TLK2: variants seen among roughly 807,000 people sequenced by gnomAD.
The protein encoded by TLK2 is tousled like kinase 2, also known as serine/threonine-protein kinase tousled-like 2.
A neutral mutation model predicts 117.3 loss-of-function variants in TLK2; 6 were observed. The observed-to-expected ratio is 0.05, with a 90% CI of 0.03 to 0.10. The LOEUF (loss-of-function observed/expected upper bound fraction) is 0.10. Ranked by LOEUF, TLK2 falls within the 10% of genes least tolerant of loss-of-function variation. TLK2 has a pLI of 1.00. For missense variants in TLK2, 299 were observed against 901.2 expected, an observed-to-expected ratio of 0.33 and a Z score of 8.56; for synonymous variants, 257 against 316.7, an observed-to-expected ratio of 0.81 and a Z score of 2.00.
chr17:62,507,280 A>AG (rs2074777267), intron 2 of TLK2: 1 of 152,152 alleles, frequency 6.6e-6, no homozygotes, highest in Non-Finnish European at 1.5e-5. Context: ...TCTCAAAAAA[A>AG]GAAAAAAAAA....
At chr17:62,542,101 A>G (rs2077577503) in intron 7 of TLK2, among the ~76,000 whole-genome samples, 2 of 152,174 alleles carry the variant, frequency 1.3e-5, no homozygotes, top group Non-Finnish European at 2.9e-5. Context: ...AGGGAAAATC[A>G]TAAGCAAATA....
intron 2 of TLK2, among the ~76,000 whole-genome samples, chr17:62,485,437 A>C (rs143993283): frequency 6.6e-6 from 1 of 152,308 alleles, no homozygotes; most frequent in African/African-American, 2.4e-5. Context: ...CTCCACATCT[A>C]TTACTTATAT....
In TLK2 at chr17:62,536,247, A is replaced by C; in HGVS notation, c.441A>C (p.Pro147=). 6.2e-7 allele frequency: 1 copy of C among 1,613,370 alleles called. No individual in the cohort carries two copies. Among genetic ancestry groups the C allele is most frequent in the Non-Finnish European group, 8.5e-7 (1 of 1,179,820 alleles). The change falls in exon 7 of 22, where the codon CCA becomes CCC. Residue 147 remains proline, a synonymous_variant. Coordinates refer to ENST00000346027, the MANE Select transcript of TLK2 (RefSeq NM_006852.6). Reference sequence around the variant, plus strand: ...CAACGGAGGAGCAGTCTGCTCTGCCAACCCTCATGTCAGTGATGCTAGCAA... The same window carrying C: ...CAACGGAGGAGCAGTCTGCTCTGCCCACCCTCATGTCAGTGATGCTAGCAA... ...KEATEEQSAL[P]TLMSVMLAKP... is the part of the protein sequence containing the mutation.
At position 62,565,080 on chromosome 17, in the gene TLK2, A is replaced by G. The variant is rs754659643; in HGVS notation, c.911A>G (p.His304Arg). The G allele has an allele frequency of 6.2e-7, 1 of 1,614,164 alleles. No homozygotes were observed. Among genetic ancestry groups the G allele is most frequent in the Non-Finnish European group, 8.5e-7 (1 of 1,180,014 alleles). Residue 304 changes from histidine (H) to arginine (R), a missense_variant, in exon 11 of 22, where the codon CAC (histidine) becomes CGC (arginine). This residue lies in a region of TLK2 where 94 missense variants were observed against 282.6 expected (regional missense o/e 0.33). Coordinates refer to ENST00000346027, the MANE Select transcript of TLK2 (RefSeq NM_006852.6). ...LRLGHFTTVRHGASFTEQWTD... is the reference protein window; with the variant it reads ...LRLGHFTTVRRGASFTEQWTD... ...CTGGGCCACTTTACTACTGTCCGAC[A>G]CGGAGCCTCATTTACTGAACAGTGG... is the stretch of plus-strand genomic sequence containing the variant.
Position 62,596,465 on chromosome 17 carries a change from C to T in TLK2, c.1461-120C>T, listed in dbSNP as rs879122595. 7 of 733,452 alleles carry T rather than the reference C, an allele frequency of 9.5e-6. No individual in the cohort carries two copies. In the South Asian group the frequency reaches 1.1e-4, roughly 11 times the overall value. The allele number at this position is 733,452 out of a possible 1,614,324, so 45.4% of individuals were successfully genotyped here. ...AAAGTCAGATGAGGGACCAGATGGA[C>T]CTGAATGGAATTAACATGTGGAGAC... On this transcript the variant is annotated intron_variant, in intron 16 of 21. Transcript: ENST00000346027.
rs1326489141 is a variant in TLK2 at position 62,522,413 on chromosome 17, G to T, written c.223+140G>T. 4.2e-5 allele frequency: 39 copies of T among 938,186 alleles called. No homozygotes were observed. In the East Asian group the frequency reaches 9.6e-4, roughly 23 times the overall value. The allele number at this position is 938,186 out of a possible 1,614,324, so 58.1% of individuals were successfully genotyped here. A position where few individuals can be genotyped will look rare whatever the true frequency, so the allele number is the denominator to read the frequency against. On this transcript the variant is annotated intron_variant, in intron 4 of 21. Coordinates refer to ENST00000346027, the MANE Select transcript of TLK2 (RefSeq NM_006852.6). ...GTGTATCTTAAGGGAATATCAGACT[G>T]TTTATTACAGACTTGCCATTTGGTA...
intron 6 of TLK2, among the ~76,000 whole-genome samples, chr17:62,535,543 G>C (rs1469285996): frequency 6.6e-6 from 1 of 152,066 alleles, no homozygotes; most frequent in Non-Finnish European, 1.5e-5. Context: ...GAGGCGGGCA[G>C]ATCACCTGAG....
intron 2 of TLK2, among the ~76,000 whole-genome samples, chr17:62,511,733 A>G (rs1404752209): frequency 1.3e-5 from 2 of 152,204 alleles, no homozygotes; most frequent in African/African-American, 4.8e-5. Flanking sequence ...AAGATTTTGC[A>G]TATATAAATA....
chr17:62,536,043 T>G (rs2077091317), intron 6 of TLK2, 127 bp from the exon 7 acceptor site: 1 of 1,122,564 alleles, frequency 8.9e-7, no homozygotes, highest in African/African-American at 1.6e-5. Flanking sequence ...CATAATTATT[T>G]TTAGAGAGGC....
At chr17:62,606,386 C>G in intron 20 of TLK2, 145 bp downstream of exon 20, 1 of 461,780 alleles carries the variant, frequency 2.2e-6, no homozygotes, top group Non-Finnish European at 3.8e-6. Context: ...AAAGAAAATA[C>G]AGACTTAATA....
chr17:62,563,271 G>A (rs1181670462), intron 10 of TLK2, among the ~76,000 whole-genome samples: 1 of 152,054 alleles, frequency 6.6e-6, no homozygotes, highest in East Asian at 1.9e-4. Context: ...GATGAGCAGT[G>A]CACATATTAA....
intron 16 of TLK2, among the ~76,000 whole-genome samples, chr17:62,591,957 T>C (rs575409950): frequency 1.4e-5 from 2 of 145,630 alleles, no homozygotes; most frequent in Non-Finnish European, 3.0e-5. Flanking sequence ...TTCTTTCTTC[T>C]TTTTTTTTTT....
chr17:62,558,101 C>T (rs2078994157), intron 9 of TLK2, among the ~76,000 whole-genome samples: 3 of 151,688 alleles, frequency 2.0e-5, no homozygotes, highest in Non-Finnish European at 1.5e-5. Context: ...TTGAATTTTG[C>T]CATTTTAATA....
intron 2 of TLK2, among the ~76,000 whole-genome samples, chr17:62,501,571 A>G (rs2074198840): frequency 6.6e-6 from 1 of 152,002 alleles, no homozygotes; most frequent in South Asian, 2.1e-4. Flanking sequence ...AAAAATACTA[A>G]AATACAAAAA....
chr17:62,486,070 T>G (rs2072336405), intron 2 of TLK2, among the ~76,000 whole-genome samples: 1 of 152,064 alleles, frequency 6.6e-6, no homozygotes, highest in Non-Finnish European at 1.5e-5. Context: ...TCTGCCCACC[T>G]TGGCCTCCCA....
intron 12 of TLK2, chr17:62,574,285 G>C (rs2080568591): frequency 5.9e-6 from 9 of 1,530,932 alleles, no homozygotes; most frequent in Non-Finnish European, 7.9e-6. Flanking sequence ...TGATGTTTTG[G>C]GAAGTCTCTT....
intron 11 of TLK2, 95 bp downstream of exon 11, chr17:62,565,232 G>T: frequency 7.0e-7 from 1 of 1,421,674 alleles, no homozygotes. Flanking sequence ...CCTACTATTG[G>T]TAGTCATCTT....
chr17:62,521,389 T>C (rs1298783716), intron 3 of TLK2, among the ~76,000 whole-genome samples: 1 of 152,134 alleles, frequency 6.6e-6, no homozygotes, highest in Non-Finnish European at 1.5e-5. Context: ...GAAGATAAAA[T>C]TGATTGACTG....
At position 62,539,856 on chromosome 17, in the gene TLK2, G is replaced by A. The variant is rs2077381601; in HGVS notation, c.531+3519G>A. Among the ~76,000 whole-genome samples, 2 of 152,064 alleles carry A rather than the reference G, an allele frequency of 1.3e-5. 1 individual carries two copies. The highest frequency in any genetic ancestry group is 4.8e-5 in the African/African-American group (2 of 41,418). ...CTAAAATTTAACTCCTATGTGCAGA[G>A]GACTTCCAAGTTTATGCGTCTAGCC... On this transcript the variant is annotated intron_variant, in intron 7 of 21. Transcript: ENST00000346027.
Sources: allele counts gnomAD v4.1 joint callset (sites outside exome capture counted in the v4.1 genomes callset), GRCh38; gene constraint gnomAD v4.1.1; regional missense constraint gnomAD v4.1.1; transcripts MANE v1.5; gene names NCBI Gene and HGNC (gene_info 2026-07-23, HGNC 2026-07-21).